Variants in MAP3K19 observed in about 807,000 individuals in gnomAD.
MAP3K19 encodes the protein mitogen-activated protein kinase kinase kinase 19, also known as SPS1/STE20-related protein kinase YSK4.
MAP3K19 carries 91 observed loss-of-function variants against 114.4 expected under a neutral mutation model. The ratio of observed to expected loss-of-function variants is 0.80; its 90% CI spans 0.67 to 0.95. The LOEUF (loss-of-function observed/expected upper bound fraction) is 0.95, where lower values mean the gene tolerates loss of function less well. MAP3K19 is among the 40% of genes least tolerant of loss of function. MAP3K19 has a pLI of 0.00. For synonymous variants in MAP3K19, 518 were observed against 530.5 expected (o/e 0.98, Z 0.32); for missense variants, 1,471 against 1,573.2 (o/e 0.94, Z 1.10).
At chr2:134,998,411 A>G (rs1686181762) in intron 8 of MAP3K19, among the ~76,000 whole-genome samples, 1 of 152,238 alleles carries the variant, frequency 6.6e-6, no homozygotes, top group African/African-American at 2.4e-5. Context: ...AATGTCTGAA[A>G]TGTTTAAAGA....
intron 1 of MAP3K19, among the ~76,000 whole-genome samples, chr2:135,044,292 C>T (rs1688697521): frequency 6.6e-6 from 1 of 152,044 alleles, no homozygotes; most frequent in African/African-American, 2.4e-5. Flanking sequence ...GTGCTACTGC[C>T]CAAAAAGATG....
intron 5 of MAP3K19, among the ~76,000 whole-genome samples, chr2:135,019,150 T>C (rs1262080919): frequency 6.6e-6 from 1 of 152,158 alleles, no homozygotes; most frequent in East Asian, 1.9e-4. Flanking sequence ...TATAAATCTT[T>C]TAGAAGACAG....
At chr2:134,967,947 G>A (rs1486831828) in intron 12 of MAP3K19, among the ~76,000 whole-genome samples, 1 of 151,690 alleles carries the variant, frequency 6.6e-6, no homozygotes, top group African/African-American at 2.4e-5. Context: ...GTGGAGGGAA[G>A]GTCAGCAGAT....
intron 10 of MAP3K19, among the ~76,000 whole-genome samples, chr2:134,984,534 G>C (rs555378499): frequency 2.6e-5 from 4 of 152,098 alleles, no homozygotes; most frequent in Admixed American, 2.0e-4. Context: ...ACCAAAACAG[G>C]AAGCCAGTTT....
chr2:134,986,065 G>A lies in MAP3K19; in HGVS notation c.2807C>T (p.Ser936Leu). The change falls in exon 10 of 13, where the codon TCA (serine) becomes TTA (leucine). Residue 936 changes from serine (S) to leucine (L), a missense_variant. Coordinates refer to ENST00000392915, the MANE Select transcript of MAP3K19 (RefSeq NM_025052.5). The part of the protein sequence containing the change: ...YLDHDSLANK[S>L]ITYQMFGKTL... ...TTTTCCAAACATTTGATATGTGATT[G>A]ACTTATTTGCTAAACTATCATGATC... 1 of 1,613,852 alleles carries A rather than the reference G, an allele frequency of 6.2e-7. No homozygotes were observed. Among genetic ancestry groups the A allele is most frequent in the Non-Finnish European group, 8.5e-7 (1 of 1,179,926 alleles).
At chr2:135,025,535 G>A (rs1340265094) in intron 3 of MAP3K19, among the ~76,000 whole-genome samples, 3 of 151,930 alleles carry the variant, frequency 2.0e-5, no homozygotes, top group South Asian at 2.1e-4. Context: ...ACAGGGGCCC[G>A]CCACCATGCC....
chr2:135,010,064 G>A (rs1005610895), intron 5 of MAP3K19, among the ~76,000 whole-genome samples: 3 of 150,920 alleles, frequency 2.0e-5, no homozygotes, highest in African/African-American at 7.3e-5. Flanking sequence ...CAGTGATCTT[G>A]TTAGCATGAA....
intron 8 of MAP3K19, among the ~76,000 whole-genome samples, chr2:134,998,074 A>G (rs538615087): frequency 4.1e-4 from 63 of 152,244 alleles, no homozygotes; most frequent in African/African-American, 1.5e-3. Flanking sequence ...CGCAGGGGGA[A>G]ATGCTGGCAT....
At position 134,981,097 on chromosome 2, in the gene MAP3K19, C is replaced by T; in HGVS notation, c.3644G>A (p.Gly1215Asp). Residue 1215 changes from glycine (G) to aspartate (D), a missense_variant, in exon 12 of 13, where the codon GGT (glycine) becomes GAT (aspartate). Gly to Asp is a moderately conservative substitution (Grantham distance 94). Transcript: ENST00000392915. ...FGCARRLAWAGLNGTHSDMLK... is the reference protein window; with the variant it reads ...FGCARRLAWADLNGTHSDMLK... ...CATGTCACTGTGGGTGCCATTTAAA[C>T]CTGCCCAGGCCAAACGCCTGGCACA... is the stretch of plus-strand genomic sequence containing the variant. The T allele has an allele frequency of 6.2e-7, 1 of 1,614,226 alleles. No individual in the cohort carries two copies. The highest frequency in any genetic ancestry group is 8.5e-7 in the Non-Finnish European group (1 of 1,180,018).
chr2:134,966,420 T>A (rs1314021177), intron 12 of MAP3K19, among the ~76,000 whole-genome samples: 2 of 152,140 alleles, frequency 1.3e-5, no homozygotes, highest in African/African-American at 2.4e-5. Flanking sequence ...TTTTGTGGGT[T>A]TTTTTTAATA....
intron 5 of MAP3K19, among the ~76,000 whole-genome samples, chr2:135,011,837 C>A (rs908114562): frequency 7.9e-5 from 12 of 151,990 alleles, no homozygotes; most frequent in African/African-American, 2.7e-4. Context: ...TGCATGCCAC[C>A]ACACCTGGCT....
intron 8 of MAP3K19, among the ~76,000 whole-genome samples, chr2:134,993,158 G>C (rs1015492513): frequency 6.6e-6 from 1 of 152,188 alleles, no homozygotes; most frequent in African/African-American, 2.4e-5. Context: ...TTCCAGGTGT[G>C]AGCCACTGGG....
At chr2:134,966,520 C>A (rs1001790245) in intron 12 of MAP3K19, among the ~76,000 whole-genome samples, 4 of 152,108 alleles carry the variant, frequency 2.6e-5, no homozygotes, top group African/African-American at 9.7e-5. Flanking sequence ...AGAATACACA[C>A]CAGCTTTCTC....
chr2:135,015,984 C>T (rs1455277958), intron 5 of MAP3K19, among the ~76,000 whole-genome samples: 1 of 152,100 alleles, frequency 6.6e-6, no homozygotes, highest in Non-Finnish European at 1.5e-5. Context: ...GGCAAAATGG[C>T]TCACATCTAT....
chr2:134,986,967 T>C lies in MAP3K19; in HGVS notation c.1905A>G (p.Thr635=). The C allele has an allele frequency of 6.2e-7, 1 of 1,613,958 alleles. No individual in the cohort carries two copies. Among genetic ancestry groups the C allele is most frequent in the African/African-American group, 1.3e-5 (1 of 75,072 alleles). ...GATCTAGGTAATTTAGTCTTGGCTC[T>C]GTCGGTTGAACAGAGAGAGGAACAC... ...KSCVPLSVQP[T]EPRLNYLDLK... is the part of the protein sequence containing the mutation. Residue 635 remains threonine (T), a synonymous_variant, in exon 10 of 13, where the codon ACA becomes ACG. Transcript: ENST00000392915.
intron 9 of MAP3K19, 98 bp from the exon 10 acceptor site, chr2:134,988,351 A>C: frequency 9.5e-7 from 1 of 1,049,808 alleles, no homozygotes; most frequent in Non-Finnish European, 1.3e-6. Context: ...TATCCTCTTA[A>C]GGAAGGCTTT....
At position 134,987,698 on chromosome 2, in the gene MAP3K19, T is replaced by C; in HGVS notation, c.1174A>G (p.Ser392Gly). ...QDPEIVCTIP[S>G]KFQETQHSEI... ...GAATGCTGGGTTTCTTGGAACTTGC[T>C]TGGAATGGTACATACTATTTCTGGA... Residue 392 changes from serine to glycine, a missense_variant, in exon 10 of 13, where the codon AGC (serine) becomes GGC (glycine). Transcript: ENST00000392915. 6.2e-7 allele frequency: 1 copy of C among 1,613,198 alleles called. No homozygotes were observed. The highest frequency in any genetic ancestry group is 8.5e-7 in the Non-Finnish European group (1 of 1,180,036).
chr2:135,002,644 CCTGCG>C (rs1354860348), intron 6 of MAP3K19, among the ~76,000 whole-genome samples: 11 of 151,856 alleles, frequency 7.2e-5, no homozygotes, highest in Admixed American at 7.2e-4. Flanking sequence ...TTTCCGGCTT[CCTGCG>C]CTGCTAGATT....
At chr2:134,998,113 G>C (rs956104432) in intron 8 of MAP3K19, among the ~76,000 whole-genome samples, 3 of 152,078 alleles carry the variant, frequency 2.0e-5, no homozygotes, top group Non-Finnish European at 4.4e-5. Context: ...AATGAGTCTT[G>C]GGCTCAATGT....
Sources: gnomAD v4.1 joint callset for allele counts (sites outside exome capture counted in the v4.1 genomes callset) on GRCh38, gnomAD v4.1.1 for gene constraint, MANE v1.5 for transcripts, NCBI Gene and HGNC (gene_info 2026-07-23, HGNC 2026-07-21) for gene names.